Variants in PTCSC3 observed in about 807,000 individuals in gnomAD.
PTCSC3 encodes the protein papillary thyroid carcinoma susceptibility candidate 3 (non-protein coding).
At chr14:36,157,776 T>C (rs1359725090) in intron 2 of PTCSC3, among the ~76,000 whole-genome samples, 2 of 152,204 alleles carry the variant, frequency 1.3e-5, no homozygotes, top group Non-Finnish European at 2.9e-5. Context: ...TTAAAGTAGT[T>C]TTCTCTAATT....
At position 36,139,823 on chromosome 14, in the gene PTCSC3, T is replaced by C. The variant is rs188686561; in HGVS notation, n.323-3467A>G. On this transcript the variant is annotated intron_variant and non_coding_transcript_variant, in intron 3 of 3. Transcript: ENST00000556013. ...ATTTGTTATAATTAATAAACCAATA[T>C]TGATAGATTATTATTAACTAAAGTC... Among the ~76,000 whole-genome samples the C allele has an allele frequency of 2.9e-3, 437 of 152,352 alleles. 2 individuals are homozygous for C. The highest frequency in any genetic ancestry group is 0.014 in the Middle Eastern group (4 of 294).
At chr14:36,136,765 TC>T (rs2139084730) in intron 3 of PTCSC3, among the ~76,000 whole-genome samples, 1 of 152,342 alleles carries the variant, frequency 6.6e-6, no homozygotes, top group Admixed American at 6.5e-5. Flanking sequence ...AGAGAGTTCT[TC>T]ATAGGCTTAC....
intron 2 of PTCSC3, among the ~76,000 whole-genome samples, chr14:36,157,070 C>T (rs1881845898): frequency 6.6e-6 from 1 of 152,208 alleles, no homozygotes; most frequent in Non-Finnish European, 1.5e-5. Context: ...TCCTCTCCAG[C>T]ATCTGTTGTT....
intron 1 of PTCSC3, among the ~76,000 whole-genome samples, chr14:36,172,486 C>A (rs35006551): frequency 6.6e-6 from 1 of 151,966 alleles, no homozygotes; most frequent in South Asian, 2.1e-4. Context: ...ACTCTAACTA[C>A]CAGAGCCACT....
chr14:36,156,283 C>A (rs192629387), intron 2 of PTCSC3, among the ~76,000 whole-genome samples: 45 of 152,210 alleles, frequency 3.0e-4, no homozygotes, highest in Admixed American at 1.2e-3. Flanking sequence ...CATGCACACA[C>A]GCTGATGTTT....
At chr14:36,166,033 C>T (rs1229645343) in intron 1 of PTCSC3, among the ~76,000 whole-genome samples, 1 of 152,124 alleles carries the variant, frequency 6.6e-6, no homozygotes, top group Non-Finnish European at 1.5e-5. Context: ...ATAAAAATTA[C>T]CCGAAAGAAC....
chr14:36,148,388 G>C lies in PTCSC3; in HGVS notation n.322+5416C>G, dbSNP rs1057099005. ...TGGTGCGCCGTTTTTTAAGCCTGTC[G>C]GAAAAGCGCAGTATTCGGGTGGGAG... On this transcript the variant is annotated intron_variant and non_coding_transcript_variant, in intron 3 of 3. Transcript: ENST00000556013. Among the ~76,000 whole-genome samples, 3 of 152,290 alleles carry C rather than the reference G, an allele frequency of 2.0e-5. No homozygotes were observed. The East Asian group carries it at 5.8e-4, about 29-fold the overall frequency.
intron 3 of PTCSC3, among the ~76,000 whole-genome samples, chr14:36,151,162 G>A (rs913695966): frequency 2.0e-5 from 3 of 151,940 alleles, no homozygotes; most frequent in Admixed American, 6.6e-5. Flanking sequence ...TAGAAATCTC[G>A]GTTGGTGGTC....
intron 3 of PTCSC3, among the ~76,000 whole-genome samples, chr14:36,143,826 G>A (rs1164722906): frequency 6.3e-5 from 9 of 143,336 alleles, no homozygotes; most frequent in Non-Finnish European, 1.1e-4. Flanking sequence ...ATCTTGAATT[G>A]ATTTTTGTAT....
At chr14:36,152,055 G>A (rs908583180) in intron 3 of PTCSC3, among the ~76,000 whole-genome samples, 27 of 115,902 alleles carry the variant, frequency 2.3e-4, no homozygotes, top group Admixed American at 1.9e-3. Flanking sequence ...TGTGAGGACA[G>A]GAATGATGAC....
rs556197031 is a variant in PTCSC3, at chr14:36,144,199, G to A, written n.323-7843C>T. 3.8e-3 allele frequency among the ~76,000 whole-genome samples: 579 copies of A among 151,128 alleles called. 2 individuals are homozygous for A. Among genetic ancestry groups the A allele is most frequent in the Non-Finnish European group, 6.6e-3 (444 of 67,654 alleles). On this transcript the variant is annotated intron_variant and non_coding_transcript_variant, in intron 3 of 3. Coordinates refer to ENST00000556013, the Ensembl canonical transcript of PTCSC3. ...AGTTTTTTCCAATTCTGTGAAGAAA[G>A]GCATTGGTAGCTTGATGGGGATGGC...
chr14:36,146,652 G>A (rs1022462240), intron 3 of PTCSC3, among the ~76,000 whole-genome samples: 4 of 152,174 alleles, frequency 2.6e-5, no homozygotes, highest in African/African-American at 7.2e-5. Flanking sequence ...GGAGCATTTA[G>A]TCCGTTTACA....
chr14:36,174,146 G>C (rs1266975135), intron 1 of PTCSC3, among the ~76,000 whole-genome samples: 1 of 152,080 alleles, frequency 6.6e-6, no homozygotes, highest in Non-Finnish European at 1.5e-5. Context: ...AATGTGGGGA[G>C]TTCGGGGCCA....
intron 3 of PTCSC3, among the ~76,000 whole-genome samples, chr14:36,147,119 G>A (rs899815784): frequency 1.3e-4 from 20 of 152,116 alleles, no homozygotes; most frequent in African/African-American, 3.9e-4. Flanking sequence ...TTCGACTTTG[G>A]TGAATCTGAC....
intron 3 of PTCSC3, among the ~76,000 whole-genome samples, chr14:36,138,262 T>C (rs10144081): frequency 0.11 from 16,361 of 152,172 alleles, 1,044 homozygotes; most frequent in Middle Eastern, 0.2. Context: ...TGAAATGAGA[T>C]AAAGCTTCTA....
chr14:36,172,965 G>A (rs1882216761), intron 1 of PTCSC3, among the ~76,000 whole-genome samples: 1 of 151,622 alleles, frequency 6.6e-6, no homozygotes, highest in African/African-American at 2.4e-5. Context: ...TTAAGTATTG[G>A]TTATATACTT....
intron 1 of PTCSC3, among the ~76,000 whole-genome samples, chr14:36,169,061 TA>T (rs149452025): frequency 0.027 from 4,136 of 151,064 alleles, 190 homozygotes; most frequent in African/African-American, 0.096. Context: ...ATAGAGACAT[TA>T]AAAAAAAACT....
At chr14:36,146,733 A>G (rs1031531464) in intron 3 of PTCSC3, among the ~76,000 whole-genome samples, 56 of 151,850 alleles carry the variant, frequency 3.7e-4, no homozygotes, top group Non-Finnish European at 4.9e-4. Context: ...TTTGCTCGTT[A>G]GTTGATGCAG....
intron 1 of PTCSC3, among the ~76,000 whole-genome samples, chr14:36,165,602 T>G (rs542922415): frequency 2.3e-4 from 35 of 152,288 alleles, no homozygotes; most frequent in African/African-American, 7.7e-4. Flanking sequence ...ATCGCAGGTA[T>G]TTTTTAAATT....
Sources: gnomAD v4.1 joint callset for allele counts (sites outside exome capture counted in the v4.1 genomes callset) on GRCh38, gnomAD v4.1.1 for gene constraint, MANE v1.5 for transcripts, NCBI Gene and HGNC (gene_info 2026-07-23, HGNC 2026-07-21) for gene names.